Variants in PCSK2 observed in about 807,000 individuals in gnomAD.
PCSK2 encodes proprotein convertase subtilisin/kexin type 2.
PCSK2 carries 14 observed loss-of-function variants against 69.7 expected under a neutral mutation model. That is an observed-to-expected ratio of 0.20 (90% confidence interval 0.13 to 0.31). PCSK2 has a LOEUF of 0.31. Among genes scored for constraint, PCSK2 ranks in the 10% least tolerant of loss-of-function variants. The probability of loss-of-function intolerance (pLI) is 1.00; values close to 1 mark genes in which losing one functional copy is unlikely to be tolerated. For synonymous variants in PCSK2, 307 were observed against 320.7 expected (o/e 0.96, Z 0.46); for missense variants, 544 against 842.5 (o/e 0.65, Z 4.39).
chr20:17,455,044 C>G (rs549067770), intron 9 of PCSK2, among the ~76,000 whole-genome samples: 2 of 152,236 alleles, frequency 1.3e-5, no homozygotes, highest in African/African-American at 4.8e-5. Flanking sequence ...ATCCTGTAAG[C>G]TGTATGGACA....
intron 2 of PCSK2, among the ~76,000 whole-genome samples, chr20:17,338,144 T>C (rs1990406727): frequency 7.1e-6 from 1 of 139,998 alleles, no homozygotes; most frequent in African/African-American, 2.6e-5. Context: ...AGGTTCTTTC[T>C]TCTGAGAAGA....
chr20:17,350,955 G>C (rs546202249), intron 2 of PCSK2, among the ~76,000 whole-genome samples: 1 of 151,440 alleles, frequency 6.6e-6, no homozygotes, highest in Non-Finnish European at 1.5e-5. Context: ...CAAGAGAATC[G>C]CTTGAACCTG....
Position 17,338,170 on chromosome 20 carries a change from T to TGG in PCSK2, c.283-20157_283-20156insGG, listed in dbSNP as rs765753082. 3.5e-3 allele frequency among the ~76,000 whole-genome samples: 351 copies of TGG among 99,690 alleles called. 3 individuals are homozygous for TGG. The highest frequency in any genetic ancestry group is 4.3e-3 in the Non-Finnish European group (196 of 46,044). 65.4% of individuals were successfully genotyped at this position (99,690 alleles called of 152,430 possible). ...TCTGAGAAGAAACCTTACATTTTTTTTGGGGGGGGGGGTTGTGTTTTTGTT... is the reference window on the plus strand; with the variant it reads ...TCTGAGAAGAAACCTTACATTTTTTTGGTGGGGGGGGGGGTTGTGTTTTTGTT... On this transcript the variant is annotated intron_variant, in intron 2 of 11. Coordinates refer to ENST00000262545, the MANE Select transcript of PCSK2 (RefSeq NM_002594.5).
intron 7 of PCSK2, among the ~76,000 whole-genome samples, chr20:17,434,921 T>A (rs1275949035): frequency 6.6e-6 from 1 of 152,190 alleles, no homozygotes; most frequent in Non-Finnish European, 1.5e-5. Flanking sequence ...TTAAATAAAG[T>A]TTTTAAATAA....
intron 10 of PCSK2, among the ~76,000 whole-genome samples, chr20:17,458,886 A>G (rs980694633): frequency 4.6e-5 from 7 of 152,168 alleles, no homozygotes; most frequent in African/African-American, 1.7e-4. Context: ...GAGAAATTTC[A>G]AAGAATTTTA....
intron 2 of PCSK2, among the ~76,000 whole-genome samples, chr20:17,303,150 T>G (rs1286040854): frequency 6.8e-6 from 1 of 147,392 alleles, no homozygotes; most frequent in Non-Finnish European, 1.5e-5. Flanking sequence ...AAGGGATGGG[T>G]ATAGCTCAGT....
intron 5 of PCSK2, among the ~76,000 whole-genome samples, chr20:17,383,714 A>G (rs2031153189): frequency 6.6e-6 from 1 of 152,246 alleles, no homozygotes; most frequent in Non-Finnish European, 1.5e-5. Flanking sequence ...AGCTATGCTT[A>G]TCCACTGTTC....
intron 11 of PCSK2, among the ~76,000 whole-genome samples, chr20:17,471,408 T>C (rs1462358879): frequency 2.0e-5 from 3 of 152,234 alleles, no homozygotes; most frequent in Non-Finnish European, 2.9e-5. Flanking sequence ...ACTAACTCAG[T>C]TGGGGCCTCC....
intron 10 of PCSK2, 170 bp from the exon 11 acceptor site, chr20:17,465,156 T>A: frequency 1.5e-6 from 1 of 666,510 alleles, no homozygotes; most frequent in Non-Finnish European, 2.7e-6. Context: ...TATATAGTGG[T>A]TTTGAATGGT....
chr20:17,410,942 T>C (rs1475251600), intron 6 of PCSK2, among the ~76,000 whole-genome samples: 1 of 152,182 alleles, frequency 6.6e-6, no homozygotes, highest in Non-Finnish European at 1.5e-5. Flanking sequence ...TGTCTTTCTG[T>C]AACTAGTAGG....
At chr20:17,339,054 A>G (rs1305168078) in intron 2 of PCSK2, among the ~76,000 whole-genome samples, 3 of 152,210 alleles carry the variant, frequency 2.0e-5, no homozygotes, top group African/African-American at 7.2e-5. Flanking sequence ...AGGGAGATTT[A>G]TTCAACAATT....
rs147174214 is a variant in PCSK2, at chr20:17,375,611, C to T, written c.543+6334C>T. Among the ~76,000 whole-genome samples the T allele has an allele frequency of 2.9e-4, 44 of 152,296 alleles. No homozygotes were observed. In the East Asian group the frequency reaches 8.3e-3, roughly 29 times the overall value. On this transcript the variant is annotated intron_variant, in intron 5 of 11. Coordinates refer to ENST00000262545, the MANE Select transcript of PCSK2 (RefSeq NM_002594.5). ...GCAACTACCCCAAGTGAGGTTTTCT[C>T]CGAGCCAGGGAAATCTCCTGGTATT...
intron 9 of PCSK2, 151 bp from the exon 10 acceptor site, chr20:17,456,197 T>G (rs1405918794): frequency 5.3e-6 from 3 of 565,840 alleles, no homozygotes; most frequent in African/African-American, 1.9e-5. Context: ...GCCAAGATCA[T>G]GCCACTGCAC....
At chr20:17,355,830 C>T (rs2030179976) in intron 2 of PCSK2, among the ~76,000 whole-genome samples, 1 of 152,116 alleles carries the variant, frequency 6.6e-6, no homozygotes, top group African/African-American at 2.4e-5. Context: ...TCAGGCAGGC[C>T]CATTTCTGGG....
intron 2 of PCSK2, among the ~76,000 whole-genome samples, chr20:17,303,870 G>A (rs1048228597): frequency 4.3e-5 from 6 of 138,960 alleles, no homozygotes; most frequent in Admixed American, 7.2e-5. Flanking sequence ...GTGAACGACC[G>A]TGCCTGGCCT....
At chr20:17,393,923 C>A (rs2031448616) in intron 5 of PCSK2, among the ~76,000 whole-genome samples, 1 of 152,184 alleles carries the variant, frequency 6.6e-6, no homozygotes, top group South Asian at 2.1e-4. Flanking sequence ...TAATGGAAAG[C>A]TGAATGTTTA....
In PCSK2 at chr20:17,453,896, G is replaced by C; in HGVS notation, c.1040G>C (p.Cys347Ser). 1 of 1,614,236 alleles carries C rather than the reference G, an allele frequency of 6.2e-7. No homozygotes were observed. Among genetic ancestry groups the C allele is most frequent in the Non-Finnish European group, 8.5e-7 (1 of 1,180,036 alleles). The change falls in exon 9 of 12, where the codon TGC (cysteine) becomes TCC (serine). Residue 347 changes from cysteine to serine, a missense_variant. By Grantham distance (112) the Cys-to-Ser change is moderately radical. Around this residue, in one of 3 missense-constraint regions of PCSK2, gnomAD observed 187 missense variants for 399.8 expected, o/e 0.47. Transcript: ENST00000262545. This position sits in a 1 kb window ranked among gnomAD's most constrained non-coding sequence, Gnocchi z 4.0. ...DGRTALYDES[C>S]SSTLASTFSN... Reference sequence around the variant, plus strand: ...AGGACTGCCCTGTACGACGAGAGCTGCTCTTCCACCTTGGCTTCCACCTTC... The same window carrying C: ...AGGACTGCCCTGTACGACGAGAGCTCCTCTTCCACCTTGGCTTCCACCTTC...
intron 1 of PCSK2, among the ~76,000 whole-genome samples, chr20:17,257,469 C>T (rs142192132): frequency 8.5e-4 from 129 of 152,316 alleles, no homozygotes; most frequent in African/African-American, 3.0e-3. Flanking sequence ...AAGATACATG[C>T]ACACATATGT....
chr20:17,283,569 C>T (rs79295933), intron 2 of PCSK2, among the ~76,000 whole-genome samples: 2 of 152,168 alleles, frequency 1.3e-5, no homozygotes, highest in African/African-American at 2.4e-5. Flanking sequence ...TAAGTACCTA[C>T]GAATCATGTG....
Sources: gnomAD v4.1 joint callset for allele counts (sites outside exome capture counted in the v4.1 genomes callset) on GRCh38, gnomAD v4.1.1 for gene constraint, gnomAD v4.1.1 regional missense constraint, Gnocchi (gnomAD v3.1) non-coding constraint, MANE v1.5 for transcripts, NCBI Gene and HGNC (gene_info 2026-07-23, HGNC 2026-07-21) for gene names.